USP30: variants seen among roughly 807,000 people sequenced by gnomAD.
USP30 encodes the protein ubiquitin specific peptidase 30, also known as ubiquitin carboxyl-terminal hydrolase 30.
USP30 carries 41 observed loss-of-function variants against 68.2 expected under a neutral mutation model. The ratio of observed to expected loss-of-function variants is 0.60; its 90% CI spans 0.47 to 0.78. USP30 has a LOEUF of 0.78. Ranked by LOEUF, USP30 falls within the 30% of genes least tolerant of loss-of-function variation. USP30 has a pLI of 0.00. For missense variants in USP30, 522 were observed against 649.4 expected (o/e 0.80, Z 2.13); for synonymous variants, 229 against 253.7 (o/e 0.90, Z 0.93).
intron 6 of USP30, among the ~76,000 whole-genome samples, chr12:109,072,842 C>T (rs1441868071): frequency 1.3e-5 from 2 of 152,198 alleles, no homozygotes; most frequent in African/African-American, 2.4e-5. Context: ...CTCATAACAA[C>T]TCTACAAAGT....
intron 3 of USP30, among the ~76,000 whole-genome samples, chr12:109,066,693 A>G (rs116693997): frequency 1.4e-4 from 22 of 152,310 alleles, no homozygotes; most frequent in African/African-American, 4.6e-4. Context: ...TCAAAAAAAA[A>G]GAAAAGTACA....
intron 7 of USP30, among the ~76,000 whole-genome samples, chr12:109,076,732 C>CTTTTTTTTTTTTTTTTTTTTTTTTTTTTT: frequency 8.0e-6 from 1 of 124,738 alleles, no homozygotes; most frequent in South Asian, 2.4e-4. Context: ...TTGATTTTTT[C>CTTTTTTTTTTTTTTTTTTTTTTTTTTTTT]TTTTTTTTTT....
chr12:109,072,038 T>G (rs549555614), intron 5 of USP30, among the ~76,000 whole-genome samples: 7 of 152,204 alleles, frequency 4.6e-5, no homozygotes, highest in Non-Finnish European at 8.8e-5. Flanking sequence ...AGTATAAATA[T>G]CGGAGGAGTT....
chr12:109,066,624 G>A (rs546796434), intron 3 of USP30, among the ~76,000 whole-genome samples: 89 of 152,294 alleles, frequency 5.8e-4, no homozygotes, highest in African/African-American at 2.0e-3. Flanking sequence ...GGCGGAGGTT[G>A]CAGTGAGCTG....
Position 109,081,406 on chromosome 12 carries a change from T to C in USP30, c.780+13T>C. 3 of 1,613,306 alleles carry C rather than the reference T, an allele frequency of 1.9e-6. No homozygotes were observed. The highest frequency in any genetic ancestry group is 2.5e-6 in the Non-Finnish European group (3 of 1,179,774). On this transcript the variant is annotated intron_variant, in intron 8 of 12. Coordinates refer to ENST00000257548, the MANE Select transcript of USP30 (RefSeq NM_032663.5). Reference sequence around the variant, plus strand: ...AGCCGCCACATGGGTATGTACTGATTTATGGTTTATTTGGAGTCTGTTTCA... The same window carrying C: ...AGCCGCCACATGGGTATGTACTGATCTATGGTTTATTTGGAGTCTGTTTCA...
At chr12:109,067,809 T>C (rs2041308475) in intron 4 of USP30, among the ~76,000 whole-genome samples, 182 bp downstream of exon 4, 1 of 152,072 alleles carries the variant, frequency 6.6e-6, no homozygotes, top group Non-Finnish European at 1.5e-5. Flanking sequence ...GATACAGCTG[T>C]TTTTCACTCA....
intron 3 of USP30, among the ~76,000 whole-genome samples, chr12:109,037,146 A>G (rs903398359): frequency 2.3e-4 from 35 of 152,040 alleles, no homozygotes; most frequent in African/African-American, 7.0e-4. Flanking sequence ...CCTCATCTCA[A>G]TGGAACTATC....
intron 3 of USP30, among the ~76,000 whole-genome samples, chr12:109,059,324 A>G (rs1318626695): frequency 6.6e-6 from 1 of 151,802 alleles, no homozygotes; most frequent in Non-Finnish European, 1.5e-5. Context: ...CCTCCTGAGT[A>G]GCTGGGATGA....
In USP30 at chr12:109,070,121, T is replaced by C. The variant is rs1014664967; in HGVS notation, c.481-1491T>C. On this transcript the variant is annotated intron_variant, in intron 4 of 12. Coordinates refer to ENST00000257548, the MANE Select transcript of USP30 (RefSeq NM_032663.5). This position sits in a 1 kb window ranked among gnomAD's most constrained non-coding sequence, Gnocchi z 4.0. ...CTTTGAACTGGGGACTGGTTTGATC[T>C]GACTTGTTAGAAAAGGAAGGCTGGA... Among the ~76,000 whole-genome samples, 2 of 152,074 alleles carry C rather than the reference T, an allele frequency of 1.3e-5. No individual in the cohort carries two copies. Among genetic ancestry groups the C allele is most frequent in the Non-Finnish European group, 2.9e-5 (2 of 68,008 alleles).
chr12:109,045,245 C>T (rs2040594992), intron 3 of USP30, among the ~76,000 whole-genome samples: 1 of 152,188 alleles, frequency 6.6e-6, no homozygotes, highest in South Asian at 2.1e-4. Flanking sequence ...TCCCAAAGTG[C>T]TGGGATTACA....
upstream of USP30, among the ~76,000 whole-genome samples, chr12:109,049,944 CCTT>C (rs2040643994): frequency 6.6e-6 from 1 of 152,126 alleles, no homozygotes; most frequent in East Asian, 1.9e-4. Flanking sequence ...TAGCCACAAA[CCTT>C]GAACTTGTAA....
At chr12:109,056,240 T>C (rs2040874075) in intron 1 of USP30, among the ~76,000 whole-genome samples, 1 of 152,234 alleles carries the variant, frequency 6.6e-6, no homozygotes, top group Non-Finnish European at 1.5e-5. Flanking sequence ...TCACCTGGGC[T>C]GGAGTGCAAT....
intron 3 of USP30, among the ~76,000 whole-genome samples, chr12:109,035,251 C>T (rs895770995): frequency 2.6e-5 from 4 of 151,868 alleles, no homozygotes; most frequent in Non-Finnish European, 5.9e-5. Context: ...TCTAGTGTAC[C>T]ATTTTATTTC....
chr12:109,047,129 C>T (rs552821437), intron 3 of USP30, among the ~76,000 whole-genome samples: 1 of 152,140 alleles, frequency 6.6e-6, no homozygotes, highest in Non-Finnish European at 1.5e-5. Flanking sequence ...CCACCTTTTA[C>T]TCCTCCAACG....
chr12:109,083,752 C>T (rs1031793883), intron 11 of USP30, among the ~76,000 whole-genome samples: 9 of 152,148 alleles, frequency 5.9e-5, no homozygotes, highest in Non-Finnish European at 1.0e-4. Flanking sequence ...CCTGAACTCA[C>T]CACCTGTCTG....
chr12:109,037,727 A>G (rs370512901), intron 3 of USP30, among the ~76,000 whole-genome samples: 1 of 152,180 alleles, frequency 6.6e-6, no homozygotes, highest in East Asian at 1.9e-4. Flanking sequence ...AATGCCTGGA[A>G]CTGCCTGGAA....
chr12:109,051,794 T>A (rs938940327), upstream of USP30, among the ~76,000 whole-genome samples: 1 of 152,090 alleles, frequency 6.6e-6, no homozygotes, highest in Non-Finnish European at 1.5e-5. Context: ...GGTCTCGAAC[T>A]CTTGACCTCA....
chr12:109,057,526 C>A (rs889130383), intron 2 of USP30, among the ~76,000 whole-genome samples: 1 of 152,112 alleles, frequency 6.6e-6, no homozygotes, highest in Non-Finnish European at 1.5e-5. Flanking sequence ...GGGGAAGTAA[C>A]AACAGAACAA....
chr12:109,051,519 C>G (rs118053440), upstream of USP30, among the ~76,000 whole-genome samples: 11,999 of 131,708 alleles, frequency 0.091, 947 homozygotes, highest in Admixed American at 0.24. Flanking sequence ...CACCCCCACC[C>G]CCCGGCCTCC....
Sources: allele counts gnomAD v4.1 joint callset (sites outside exome capture counted in the v4.1 genomes callset), GRCh38; gene constraint gnomAD v4.1.1; non-coding constraint Gnocchi (gnomAD v3.1); transcripts MANE v1.5; gene names NCBI Gene and HGNC (gene_info 2026-07-23, HGNC 2026-07-21).